The following FN1 variants were observed in gnomAD, a reference collection of about 807,000 sequenced individuals.
FN1 encodes the protein fibronectin.
Under a neutral mutation model 297.3 loss-of-function variants are expected in FN1, and 106 were observed. The observed-to-expected ratio is 0.36, with a 90% CI of 0.30 to 0.42. The LOEUF (loss-of-function observed/expected upper bound fraction) is 0.42. FN1 is among the 10% of genes least tolerant of loss of function. The pLI, the probability that FN1 is intolerant of heterozygous loss-of-function variation, is 1.00. For missense variants in FN1, 2,690 were observed against 3,124.9 expected, an observed-to-expected ratio of 0.86 and a Z score of 3.32; for synonymous variants, 1,149 against 1,152.6, an observed-to-expected ratio of 1.00 and a Z score of 0.06.
intron 2 of FN1, 143 bp downstream of exon 2, chr2:215,434,553 T>A (rs975640471): frequency 4.1e-6 from 4 of 972,412 alleles, no homozygotes; most frequent in Non-Finnish European, 4.9e-6. Context: ...AAAGCAAATA[T>A]AAGCAGTTTT....
At chr2:215,398,621 G>T (rs1240925901) in intron 21 of FN1, among the ~76,000 whole-genome samples, 3 of 151,986 alleles carry the variant, frequency 2.0e-5, no homozygotes, top group Non-Finnish European at 4.4e-5. Flanking sequence ...ACGATCAAGG[G>T]GATTGAGTCA....
intron 29 of FN1, 161 bp from the exon 30 acceptor site, chr2:215,384,345 G>A: frequency 1.5e-6 from 1 of 670,394 alleles, no homozygotes; most frequent in Non-Finnish European, 2.6e-6. Context: ...ATTTATGCAT[G>A]TAGCAAACCT....
At chr2:215,386,485 G>A (rs368320216) in intron 28 of FN1, among the ~76,000 whole-genome samples, 21 of 150,832 alleles carry the variant, frequency 1.4e-4, no homozygotes, top group Admixed American at 2.0e-4. Flanking sequence ...CTGCCACCAC[G>A]CCCGGGCTTC....
chr2:215,377,946 A>G (rs2057603623), intron 35 of FN1, among the ~76,000 whole-genome samples: 1 of 152,166 alleles, frequency 6.6e-6, no homozygotes, highest in Admixed American at 6.5e-5. Context: ...CACTGTTAAC[A>G]TATAAATCTA....
Position 215,370,450 on chromosome 2 carries a change from T to C in FN1, c.6715-18A>G. On this transcript the variant is annotated intron_variant, in intron 40 of 45. Coordinates refer to ENST00000354785, the MANE Select transcript of FN1 (RefSeq NM_212482.4). ...ACCCTGAACTGCAATTATCGGTACA[T>C]CCAAAGCAGAGAGAAAGCATTATAG... The C allele has an allele frequency of 6.2e-7, 1 of 1,606,252 alleles. No individual in the cohort carries two copies. The highest frequency in any genetic ancestry group is 8.5e-7 in the Non-Finnish European group (1 of 1,176,240).
chr2:215,424,090 C>G, intron 8 of FN1, 56 bp downstream of exon 8: 1 of 1,542,066 alleles, frequency 6.5e-7, no homozygotes, highest in Non-Finnish European at 9.0e-7. Flanking sequence ...GCAAATAAAA[C>G]TAGGGCATGA....
rs774537662 is a variant in FN1, at chr2:215,372,382, G to C, written c.6248-7C>G. ...ACCAGTTGGGGAAGCTCGTCTAGCCGAGAGAGGTTAGAGCCAAAAAAGCAA... is the reference window on the plus strand; with the variant it reads ...ACCAGTTGGGGAAGCTCGTCTAGCCCAGAGAGGTTAGAGCCAAAAAAGCAA... On this transcript the variant is annotated splice_polypyrimidine_tract_variant and splice_region_variant and intron_variant, in intron 39 of 45. Coordinates refer to ENST00000354785, the MANE Select transcript of FN1 (RefSeq NM_212482.4). 1.9e-6 allele frequency: 3 copies of C among 1,611,876 alleles called. No individual in the cohort carries two copies. Among genetic ancestry groups the C allele is most frequent in the Non-Finnish European group, 2.5e-6 (3 of 1,178,118 alleles).
rs776381536 is a variant in FN1 at position 215,388,278 on chromosome 2, C to A, written c.4276G>T (p.Val1426Leu). The change falls in exon 27 of 46, where the codon GTA becomes TTA. Residue 1426 changes from valine (V) to leucine (L), a missense_variant. Val to Leu is a conservative substitution (Grantham distance 32, BLOSUM62 1). This residue lies in a region of FN1 where 1,743 missense variants were observed against 1,945.2 expected (regional missense o/e 0.90). Transcript: ENST00000354785. ...LTNLLPGTEY[V>L]VSVSSVYEQH... The stretch of plus-strand genomic sequence containing the variant: ...TCGTAGACACTGGAGACACTCACTA[C>A]ATATTCTGTACCAGGCAGGAGATCT... The A allele has an allele frequency of 6.2e-7, 1 of 1,613,708 alleles. No individual in the cohort carries two copies. The highest frequency in any genetic ancestry group is 1.3e-5 in the African/African-American group (1 of 74,934).
chr2:215,370,215 A>C lies in FN1; in HGVS notation c.6853+79T>G, dbSNP rs984314133. On this transcript the variant is annotated intron_variant, in intron 41 of 45. Transcript: ENST00000354785. The stretch of plus-strand genomic sequence containing the variant: ...CAAAGATAAAAAGACAATGGCAACA[A>C]AGGTACAGTCAACAGAAAAGCCCAT... 4.2e-6 allele frequency: 6 copies of C among 1,430,030 alleles called. No homozygotes were observed. The African/African-American group carries it at 8.4e-5, about 20-fold the overall frequency. The allele number at this position is 1,430,030 out of a possible 1,614,324, so 88.6% of individuals were successfully genotyped here.
intron 12 of FN1, among the ~76,000 whole-genome samples, chr2:215,417,220 A>G (rs2106371136): frequency 6.6e-6 from 1 of 152,350 alleles, no homozygotes; most frequent in South Asian, 2.1e-4. Context: ...TAATTGGCAT[A>G]TACTAGCTAT....
chr2:215,429,077 G>C (rs2066009588), intron 5 of FN1, among the ~76,000 whole-genome samples: 1 of 152,014 alleles, frequency 6.6e-6, no homozygotes, highest in South Asian at 2.1e-4. Context: ...TATAACAATG[G>C]GGAGGCAAGC....
In FN1 at chr2:215,425,096, G is replaced by A. The variant is rs201918643; in HGVS notation, c.1034C>T (p.Thr345Ile). ...CLGNGVSCQE[T>I]AVTQTYGGNS... is the part of the protein sequence containing the mutation. ...TTCTTCAAAAAGATAATGCATACCTGTCTCTTGGCAGCTGACTCCGTTGCC... is the reference window on the plus strand; with the variant it reads ...TTCTTCAAAAAGATAATGCATACCTATCTCTTGGCAGCTGACTCCGTTGCC... The change falls in exon 7 of 46, where the codon ACA becomes ATA. Residue 345 changes from threonine (T) to isoleucine (I), a missense_variant and splice_region_variant. By Grantham distance (89) the Thr-to-Ile change is moderately conservative. Coordinates refer to ENST00000354785, the MANE Select transcript of FN1 (RefSeq NM_212482.4). The A allele has an allele frequency of 1.9e-6, 3 of 1,613,926 alleles. No individual in the cohort carries two copies. The highest frequency in any genetic ancestry group is 2.2e-5 in the East Asian group (1 of 44,876).
chr2:215,384,723 T>C, intron 29 of FN1, 137 bp downstream of exon 29: 1 of 695,752 alleles, frequency 1.4e-6, no homozygotes, highest in South Asian at 1.7e-5. Flanking sequence ...TCTTACGTAT[T>C]TTCTTGGAAA....
Position 215,424,278 on chromosome 2 carries a change from A to G in FN1, c.1084T>C (p.Leu362=), listed in dbSNP as rs1296131927. Residue 362 remains leucine, a synonymous_variant, in exon 8 of 46, where the codon TTA becomes CTA. Coordinates refer to ENST00000354785, the MANE Select transcript of FN1 (RefSeq NM_212482.4). ...GTCCTGCCATTGTAGGTGAATGGTA[A>G]GACACATGGCTCTCCATTTGAGTTG... is the stretch of plus-strand genomic sequence containing the variant. ...GGNSNGEPCV[L]PFTYNGRTFY... The G allele has an allele frequency of 6.2e-7, 1 of 1,613,984 alleles. No homozygotes were observed. Among genetic ancestry groups the G allele is most frequent in the African/African-American group, 1.3e-5 (1 of 74,898 alleles).
rs1310636046 is a variant in FN1, at chr2:215,372,329, T to G, written c.6294A>C (p.Gly2098=). The G allele has an allele frequency of 6.2e-7, 1 of 1,614,066 alleles. No homozygotes were observed. The highest frequency in any genetic ancestry group is 1.3e-5 in the African/African-American group (1 of 74,928). The stretch of plus-strand genomic sequence containing the variant: ...TGGAAGGAACATCCAAGATCTCTGG[T>G]CCATGAAGATTGGGGTGTGGAAGGG... ...LVTLPHPNLH[G]PEILDVPSTV... Residue 2098 remains glycine, a synonymous_variant, in exon 40 of 46, where the codon GGA becomes GGC. Coordinates refer to ENST00000354785, the MANE Select transcript of FN1 (RefSeq NM_212482.4).
At chr2:215,415,078 AAAATT>A in intron 12 of FN1, 120 bp from the exon 13 acceptor site, 1 of 720,960 alleles carries the variant, frequency 1.4e-6, no homozygotes, top group Non-Finnish European at 2.4e-6. Flanking sequence ...TGAGTATAAT[AAAATT>A]ATCTGGCATT....
intron 42 of FN1, 119 bp downstream of exon 42, chr2:215,367,744 T>G: frequency 2.0e-6 from 2 of 976,100 alleles, no homozygotes; most frequent in Non-Finnish European, 3.2e-6. Context: ...CAGTATTCTC[T>G]TGTTTGCTTC....
At chr2:215,406,979 T>C (rs2061857063) in intron 18 of FN1, 148 bp downstream of exon 18, 4 of 704,176 alleles carry the variant, frequency 5.7e-6, no homozygotes, top group African/African-American at 1.8e-5. Flanking sequence ...AAGTTACTTA[T>C]GACATTTCAG....
At position 215,435,926 on chromosome 2, in the gene FN1, T is replaced by A; in HGVS notation, c.-124A>T. On this transcript the variant is annotated 5_prime_UTR_variant, in exon 1 of 46. Transcript: ENST00000354785. ...CCGGGGGTTGTCGCCTCCAAGAAGGTGGGGGCCAGAGGGTGGGGAAGGGGA... is the reference window on the plus strand; with the variant it reads ...CCGGGGGTTGTCGCCTCCAAGAAGGAGGGGGCCAGAGGGTGGGGAAGGGGA... 1 of 1,431,684 alleles carries A rather than the reference T, an allele frequency of 7.0e-7. No homozygotes were observed. Among genetic ancestry groups the A allele is most frequent in the African/African-American group, 1.4e-5 (1 of 69,656 alleles). The allele number at this position is 1,431,684 out of a possible 1,614,324, so 88.7% of individuals were successfully genotyped here.
Sources: gnomAD v4.1 joint callset for allele counts (sites outside exome capture counted in the v4.1 genomes callset) on GRCh38, gnomAD v4.1.1 for gene constraint, gnomAD v4.1.1 regional missense constraint, MANE v1.5 for transcripts, NCBI Gene and HGNC (gene_info 2026-07-23, HGNC 2026-07-21) for gene names.